The following SLC25A29 variants were observed in gnomAD, a reference collection of about 807,000 sequenced individuals.
SLC25A29 encodes mitochondrial basic amino acids transporter.
Under a neutral mutation model 10.0 loss-of-function variants are expected in SLC25A29, and 13 were observed. That is an observed-to-expected ratio of 1.30 (90% confidence interval 0.85 to 2.07). The LOEUF is 2.07. Among genes scored for constraint, SLC25A29 ranks in the 30% most tolerant of loss-of-function variants. SLC25A29 has a pLI of 0.00. For synonymous variants in SLC25A29, 244 were observed against 221.1 expected, an observed-to-expected ratio of 1.10 and a Z score of -0.92; for missense variants, 475 against 447.6, an observed-to-expected ratio of 1.06 and a Z score of -0.55.
intron 1 of SLC25A29, among the ~76,000 whole-genome samples, chr14:100,302,310 T>C (rs1467682358): frequency 1.3e-5 from 2 of 151,558 alleles, no homozygotes; most frequent in Non-Finnish European, 2.9e-5. Context: ...CCTCCCAAAG[T>C]GCTGGGATTA....
intron 1 of SLC25A29, chr14:100,299,305 A>G (rs952868260): frequency 9.8e-7 from 1 of 1,023,708 alleles, no homozygotes; most frequent in African/African-American, 1.7e-5. Context: ...CCAGATTTGA[A>G]TTTTCCCCCT....
At chr14:100,290,941 C>T (rs1360733131), downstream of SLC25A29, among the ~76,000 whole-genome samples, 1 of 152,216 alleles carries the variant, frequency 6.6e-6, no homozygotes, top group African/African-American at 2.4e-5. Context: ...CATTAGCTTG[C>T]CTTGCAGATG....
chr14:100,298,529 T>G lies in SLC25A29; in HGVS notation c.78+313A>C, dbSNP rs539885379. 2.4e-5 allele frequency: 11 copies of G among 466,410 alleles called. No individual in the cohort carries two copies. The East Asian group carries it at 4.3e-4, about 18-fold the overall frequency. 28.9% of individuals were successfully genotyped at this position (466,410 alleles called of 1,614,324 possible). A position where few individuals can be genotyped will look rare whatever the true frequency, so the allele number is the denominator to read the frequency against. ...TTTGTATTTTCTCTCTGAACTTTTC[T>G]TTCTTTCAAGGAACTGTTTGGGAGA... On this transcript the variant is annotated intron_variant, in intron 2 of 3. Transcript: ENST00000359232.
intron 2 of SLC25A29, chr14:100,293,626 C>A (rs1171023925): frequency 9.1e-6 from 5 of 551,910 alleles, no homozygotes; most frequent in African/African-American, 1.9e-5. Context: ...GATCTCAGAC[C>A]AATTCAGGTT....
the SLC25A29 span, among the ~76,000 whole-genome samples, chr14:100,285,357 C>T: frequency 2.0e-5 from 3 of 151,910 alleles, no homozygotes; most frequent in South Asian, 2.1e-4. Flanking sequence ...CGGGCGGCCC[C>T]GGGGGCTTCT....
chr14:100,282,831 ACTT>A, the SLC25A29 span: 2 of 152,186 alleles, frequency 1.3e-5, no homozygotes, highest in African/African-American at 4.8e-5. Flanking sequence ...CCTCTAAGCC[ACTT>A]CTTTAGTGTT....
At position 100,291,892 on chromosome 14, in the gene SLC25A29, T is replaced by G; in HGVS notation, c.*391A>C. 1 of 281,284 alleles carries G rather than the reference T, an allele frequency of 3.6e-6. No individual in the cohort carries two copies. Among genetic ancestry groups the G allele is most frequent in the Non-Finnish European group, 6.8e-6 (1 of 146,988 alleles). The allele number at this position is 281,284 out of a possible 1,614,324, so 17.4% of individuals were successfully genotyped here. A position where few individuals can be genotyped will look rare whatever the true frequency, so the allele number is the denominator to read the frequency against. ...AGAGGTCCCTGGGTGGCCCCTTGGT[T>G]GGCCATCAGAGACCCCCGGGAGCCA... is the stretch of plus-strand genomic sequence containing the variant. On this transcript the variant is annotated 3_prime_UTR_variant, in exon 4 of 4. Coordinates refer to ENST00000359232, the MANE Select transcript of SLC25A29 (RefSeq NM_001039355.3).
downstream of SLC25A29, among the ~76,000 whole-genome samples, chr14:100,289,835 CAAAA>C (rs56694140): frequency 1.0e-5 from 1 of 96,566 alleles, no homozygotes; most frequent in African/African-American, 4.3e-5. Flanking sequence ...GAGCAAGACT[CAAAA>C]AAAAAAAAAA....
intron 1 of SLC25A29, chr14:100,305,133 A>T (rs545690899): frequency 6.6e-6 from 1 of 152,108 alleles, no homozygotes; most frequent in Non-Finnish European, 1.5e-5. Context: ...AACTCCCCTC[A>T]GCGCACAACA....
Position 100,291,356 on chromosome 14 carries a change from A to G in SLC25A29, c.*927T>C, listed in dbSNP as rs1345750888. 2 of 152,448 alleles carry G rather than the reference A, an allele frequency of 1.3e-5. No individual in the cohort carries two copies. The highest frequency in any genetic ancestry group is 2.9e-5 in the Non-Finnish European group (2 of 68,298). 9.4% of individuals were successfully genotyped at this position (152,448 alleles called of 1,614,324 possible). A position where few individuals can be genotyped will look rare whatever the true frequency, so the allele number is the denominator to read the frequency against. On this transcript the variant is annotated 3_prime_UTR_variant, in exon 4 of 4. Coordinates refer to ENST00000359232, the MANE Select transcript of SLC25A29 (RefSeq NM_001039355.3). ...CGTTTGCTGGGGAGCAGAGGGACTG[A>G]CCTTTGGCTTCTTTGTGGCTGGAGG... is the stretch of plus-strand genomic sequence containing the variant.
chr14:100,287,907 G>T (rs1218731091), downstream of SLC25A29, among the ~76,000 whole-genome samples: 1 of 152,136 alleles, frequency 6.6e-6, no homozygotes, highest in Non-Finnish European at 1.5e-5. Context: ...TCCAAGGCCA[G>T]GCTGGCTCAG....
rs768752792 is a variant in SLC25A29, at chr14:100,292,125, C to T, written c.*158G>A. 6.5e-6 allele frequency: 6 copies of T among 922,304 alleles called. No individual in the cohort carries two copies. Among genetic ancestry groups the T allele is most frequent in the South Asian group, 1.4e-5 (1 of 70,274 alleles). The allele number at this position is 922,304 out of a possible 1,614,324, so 57.1% of individuals were successfully genotyped here. A position where few individuals can be genotyped will look rare whatever the true frequency, so the allele number is the denominator to read the frequency against. On this transcript the variant is annotated 3_prime_UTR_variant, in exon 4 of 4. Transcript: ENST00000359232. ...AGAACACTGAGGCAAGTGCAGTTCT[C>T]GGCCAAAACTACCCAGCTGATCAGC...
At chr14:100,297,001 G>C (rs1056440671) in intron 2 of SLC25A29, among the ~76,000 whole-genome samples, 3 of 152,122 alleles carry the variant, frequency 2.0e-5, no homozygotes, top group African/African-American at 7.2e-5. Flanking sequence ...GGGTTGGGGG[G>C]GGAACCGAGG....
chr14:100,296,913 CTA>C (rs1245262795), intron 2 of SLC25A29, among the ~76,000 whole-genome samples: 1 of 152,018 alleles, frequency 6.6e-6, no homozygotes, highest in East Asian at 1.9e-4. Context: ...TGTGCACTTT[CTA>C]TATGTGCTGG....
In SLC25A29 at chr14:100,292,832, C is replaced by T. The variant is rs1891842052; in HGVS notation, c.363G>A (p.Gln121=). The T allele has an allele frequency of 5.0e-6, 8 of 1,591,882 alleles. No homozygotes were observed. The highest frequency in any genetic ancestry group is 6.0e-6 in the Non-Finnish European group (7 of 1,171,306). Residue 121 remains glutamine, a synonymous_variant, in exon 4 of 4, where the codon CAG becomes CAA. Coordinates refer to ENST00000359232, the MANE Select transcript of SLC25A29 (RefSeq NM_001039355.3). ...TGCGCGCTGGGCCCGCGTCCTGCAG[C>T]TGCAGCCGCGTCTTGGCCAGCTCCA... ...CPMELAKTRL[Q]LQDAGPARTY...
chr14:100,281,280 T>TA, the SLC25A29 span: 1 of 151,904 alleles, frequency 6.6e-6, no homozygotes, highest in Admixed American at 6.6e-5. Flanking sequence ...CCAGCAAGAG[T>TA]AAGGATCCCA....
At chr14:100,302,615 G>A (rs895751575) in intron 1 of SLC25A29, among the ~76,000 whole-genome samples, 1 of 151,716 alleles carries the variant, frequency 6.6e-6, no homozygotes, top group Non-Finnish European at 1.5e-5. Flanking sequence ...TCAGCCTCCC[G>A]AAGTGCTGGG....
chr14:100,295,638 G>T, intron 2 of SLC25A29: 5 of 1,289,470 alleles, frequency 3.9e-6, no homozygotes, highest in Non-Finnish European at 4.0e-6. Flanking sequence ...GCGCTCTCCA[G>T]GGTGAGGCTT....
At chr14:100,283,825 T>C in the SLC25A29 span, among the ~76,000 whole-genome samples, 2 of 152,144 alleles carry the variant, frequency 1.3e-5, no homozygotes, top group Non-Finnish European at 2.9e-5. Context: ...ATGAAACCAG[T>C]ATCTCTCCTT....
Sources: allele counts gnomAD v4.1 joint callset (sites outside exome capture counted in the v4.1 genomes callset), GRCh38; gene constraint gnomAD v4.1.1; transcripts MANE v1.5; gene names NCBI Gene and HGNC (gene_info 2026-07-23, HGNC 2026-07-21).